Variants in IL1RAPL1 observed in about 807,000 individuals in gnomAD.
The protein encoded by IL1RAPL1 is interleukin-1 receptor accessory protein-like 1.
IL1RAPL1 carries 3 observed loss-of-function variants against 48.4 expected under a neutral mutation model. That is an observed-to-expected ratio of 0.06 (90% CI 0.03 to 0.16). The LOEUF is 0.16. Among genes scored for constraint, IL1RAPL1 ranks in the 10% least tolerant of loss-of-function variants. The pLI, the probability that IL1RAPL1 is intolerant of heterozygous loss-of-function variation, is 1.00. For synonymous variants in IL1RAPL1, 185 were observed against 187.7 expected (o/e 0.99, Z 0.12); for missense variants, 349 against 530.6 (o/e 0.66, Z 3.36).
At chrX:29,760,374 C>G (rs1415329062) in intron 6 of IL1RAPL1, among the ~76,000 whole-genome samples, 4 of 111,667 alleles carry the variant, frequency 3.6e-5, no homozygotes, top group African/African-American at 1.3e-4. Context: ...AAGAGGTTAC[C>G]ACCAGAAACA....
intron 5 of IL1RAPL1, among the ~76,000 whole-genome samples, chrX:29,540,983 A>ACAGTTGTCT (rs1234491900): frequency 8.9e-6 from 1 of 112,284 alleles, no homozygotes; most frequent in East Asian, 2.8e-4. Flanking sequence ...CTGTCAGCAG[A>ACAGTTGTCT]GTAAACAGAC....
chrX:28,918,365 A>G (rs763778746), intron 2 of IL1RAPL1, among the ~76,000 whole-genome samples: 2 of 112,421 alleles, frequency 1.8e-5, no homozygotes, highest in African/African-American at 3.2e-5. Flanking sequence ...CAACCAATCA[A>G]ATAAATTGAA....
chrX:29,580,814 C>T (rs1371333701), intron 5 of IL1RAPL1, among the ~76,000 whole-genome samples: 1 of 111,892 alleles, frequency 8.9e-6, no homozygotes, highest in Non-Finnish European at 1.9e-5. Context: ...AAACAACATG[C>T]AAATATACCT....
intron 3 of IL1RAPL1, among the ~76,000 whole-genome samples, chrX:29,380,528 T>C (rs753941011): frequency 8.9e-6 from 1 of 112,276 alleles, no homozygotes; most frequent in East Asian, 2.8e-4. Flanking sequence ...TACCTGGCCA[T>C]TGTTGAAGGC....
intron 5 of IL1RAPL1, among the ~76,000 whole-genome samples, chrX:29,540,714 A>C (rs1446540900): frequency 8.9e-6 from 1 of 111,938 alleles, no homozygotes; most frequent in Non-Finnish European, 1.9e-5. Context: ...GTGCTGGGGT[A>C]ATTGGCTAGC....
intron 3 of IL1RAPL1, among the ~76,000 whole-genome samples, chrX:29,367,314 T>C (rs1836085398): frequency 8.9e-6 from 1 of 111,876 alleles, no homozygotes; most frequent in South Asian, 3.7e-4. Context: ...AGGAGCAAGA[T>C]GAATGGCAGA....
chrX:29,685,458 G>A (rs753414120), intron 6 of IL1RAPL1, among the ~76,000 whole-genome samples: 8 of 110,382 alleles, frequency 7.2e-5, no homozygotes, highest in Admixed American at 4.8e-4. Context: ...AGCCGAGATC[G>A]TGCCACTCCA....
In IL1RAPL1 at chrX:28,938,804, C is replaced by T. The variant is rs754718344; in HGVS notation, c.82+149379C>T. Among the ~76,000 whole-genome samples the T allele has an allele frequency of 1.7e-4, 19 of 110,503 alleles. No individual in the cohort carries two copies. In the South Asian group the frequency reaches 4.5e-3, roughly 26 times the overall value. On this transcript the variant is annotated intron_variant, in intron 2 of 10. Transcript: ENST00000378993. ...CTGACAAAGATATAATATCCAGCAT[C>T]TATGAGGAACTTAAAAAAATTTGAA...
chrX:29,163,570 A>G (rs1373011924), intron 2 of IL1RAPL1, among the ~76,000 whole-genome samples: 1 of 111,573 alleles, frequency 9.0e-6, no homozygotes, highest in Non-Finnish European at 1.9e-5. Context: ...GCAGAGAGAT[A>G]AGTCTAGAGG....
At chrX:29,856,675 C>T (rs1026656915) in intron 6 of IL1RAPL1, among the ~76,000 whole-genome samples, 1 of 111,546 alleles carries the variant, frequency 9.0e-6, no homozygotes, top group South Asian at 3.7e-4. Flanking sequence ...CAGGGAATCA[C>T]TATAAAACTC....
chrX:29,668,650 G>A lies in IL1RAPL1; in HGVS notation c.778+146G>A, dbSNP rs1042622140. The A allele has an allele frequency of 9.8e-6, 5 of 511,612 alleles. No individual in the cohort carries two copies. The African/African-American group carries it at 1.2e-4, about 12-fold the overall frequency. The allele number at this position is 511,612 out of a possible 1,213,427, so 42.2% of individuals were successfully genotyped here. A position where few individuals can be genotyped will look rare whatever the true frequency, so the allele number is the denominator to read the frequency against. ...GAATTAGAAAATGCTAGCATACCTA[G>A]CCATTTCATTCCTTACAGTGCGTGC... On this transcript the variant is annotated intron_variant, in intron 6 of 10. Transcript: ENST00000378993.
chrX:29,534,395 A>G (rs1921144349), intron 5 of IL1RAPL1, among the ~76,000 whole-genome samples: 1 of 112,319 alleles, frequency 8.9e-6, no homozygotes, highest in Admixed American at 9.4e-5. Context: ...ACAATAAAAT[A>G]TGTATATGTC....
chrX:29,459,705 G>A (rs926983363), intron 5 of IL1RAPL1, among the ~76,000 whole-genome samples: 12 of 111,694 alleles, frequency 1.1e-4, no homozygotes, highest in Non-Finnish European at 1.9e-4. Flanking sequence ...TATACATTGT[G>A]AAATACCTAA....
chrX:28,963,510 G>A (rs1382738789), intron 2 of IL1RAPL1, among the ~76,000 whole-genome samples: 2 of 111,032 alleles, frequency 1.8e-5, no homozygotes, highest in African/African-American at 6.5e-5. Flanking sequence ...AGTAGATGAA[G>A]TTAAAATTAA....
At chrX:29,839,368 T>C (rs1002041397) in intron 6 of IL1RAPL1, among the ~76,000 whole-genome samples, 14 of 112,199 alleles carry the variant, frequency 1.2e-4, no homozygotes, top group Admixed American at 1.2e-3. Flanking sequence ...CTCCCATTTA[T>C]TGGTTATACA....
At chrX:29,630,393 G>T (rs776077202) in intron 5 of IL1RAPL1, among the ~76,000 whole-genome samples, 1 of 111,759 alleles carries the variant, frequency 8.9e-6, no homozygotes, top group African/African-American at 3.3e-5. Context: ...TGGGAGAAAG[G>T]TGGTTTGAAT....
chrX:29,076,800 C>CTATCTATA (rs1458499620), intron 2 of IL1RAPL1, among the ~76,000 whole-genome samples: 1 of 103,036 alleles, frequency 9.7e-6, no homozygotes, highest in Non-Finnish European at 2.0e-5. Context: ...GTCTGTCTGT[C>CTATCTATA]TGTCTATCTA....
intron 5 of IL1RAPL1, among the ~76,000 whole-genome samples, chrX:29,602,020 G>A (rs1186698472): frequency 9.0e-6 from 1 of 111,635 alleles, no homozygotes; most frequent in African/African-American, 3.3e-5. Flanking sequence ...TCTCACTCTT[G>A]TTGCCCAGTC....
intron 2 of IL1RAPL1, among the ~76,000 whole-genome samples, chrX:28,864,201 G>A (rs1023657476): frequency 2.7e-5 from 3 of 112,175 alleles, no homozygotes; most frequent in African/African-American, 9.7e-5. Flanking sequence ...CAGTGATTTA[G>A]TTAAGCATAT....
Sources: allele counts gnomAD v4.1 joint callset (sites outside exome capture counted in the v4.1 genomes callset), GRCh38; gene constraint gnomAD v4.1.1; transcripts MANE v1.5; gene names NCBI Gene and HGNC (gene_info 2026-07-23, HGNC 2026-07-21).